PLXNA4: variants seen among roughly 807,000 people sequenced by gnomAD.
PLXNA4 encodes the protein plexin-A4.
A neutral mutation model predicts 191.8 loss-of-function variants in PLXNA4; 44 were observed. The observed-to-expected ratio is 0.23, with a 90% CI of 0.18 to 0.29. PLXNA4 has a LOEUF of 0.29. Among genes scored for constraint, PLXNA4 ranks in the 10% least tolerant of loss-of-function variants. The pLI is 1.00. For synonymous variants in PLXNA4, 1,082 were observed against 1,009.5 expected, an observed-to-expected ratio of 1.07 and a Z score of -1.36; for missense variants, 1,800 against 2,488.8, an observed-to-expected ratio of 0.72 and a Z score of 5.89.
intron 5 of PLXNA4, among the ~76,000 whole-genome samples, chr7:132,237,491 G>A (rs925718952): frequency 3.3e-5 from 5 of 152,182 alleles, no homozygotes; most frequent in African/African-American, 1.2e-4. Context: ...TGAGAGGGAG[G>A]GAGGATGGAT....
chr7:132,607,207 TG>T (rs1802943369), intron 2 of PLXNA4, among the ~76,000 whole-genome samples: 1 of 152,080 alleles, frequency 6.6e-6, no homozygotes, highest in Non-Finnish European at 1.5e-5. Context: ...TCCCAGAGGC[TG>T]ACCTACACAT....
intron 3 of PLXNA4, among the ~76,000 whole-genome samples, chr7:132,439,773 C>T (rs1795618573): frequency 1.3e-5 from 2 of 152,142 alleles, no homozygotes; most frequent in Non-Finnish European, 2.9e-5. Flanking sequence ...TTTCCCTTTC[C>T]CTAAAGGCCC....
intron 2 of PLXNA4, among the ~76,000 whole-genome samples, chr7:132,640,021 G>A (rs566058022): frequency 5.9e-5 from 9 of 152,316 alleles, no homozygotes; most frequent in Non-Finnish European, 1.2e-4. Context: ...CTAGCGTTGC[G>A]CTATCATTCA....
At chr7:132,627,025 T>C (rs1803391099) in intron 2 of PLXNA4, among the ~76,000 whole-genome samples, 1 of 152,254 alleles carries the variant, frequency 6.6e-6, no homozygotes, top group African/African-American at 2.4e-5. Flanking sequence ...CTACCTGCTC[T>C]ACCTTGGCTC....
intron 1 of PLXNA4, among the ~76,000 whole-genome samples, chr7:132,570,449 G>C (rs1801927415): frequency 6.6e-6 from 1 of 152,178 alleles, no homozygotes; most frequent in African/African-American, 2.4e-5. Flanking sequence ...CTGGGTCAAA[G>C]CCAAGGAATG....
intron 1 of PLXNA4, among the ~76,000 whole-genome samples, chr7:132,559,407 A>G (rs1585334418): frequency 1.3e-5 from 2 of 152,130 alleles, no homozygotes; most frequent in East Asian, 3.9e-4. Flanking sequence ...GGGTAGATCC[A>G]TCGTTTCACT....
intron 1 of PLXNA4, among the ~76,000 whole-genome samples, chr7:132,553,741 A>C (rs1800667641): frequency 6.6e-6 from 1 of 152,156 alleles, no homozygotes; most frequent in East Asian, 1.9e-4. Context: ...GGATAAACAG[A>C]AGAGAGTGGA....
At chr7:132,227,842 C>T (rs980500159) in intron 6 of PLXNA4, among the ~76,000 whole-genome samples, 3 of 151,992 alleles carry the variant, frequency 2.0e-5, no homozygotes, top group African/African-American at 7.3e-5. Context: ...TGGATTTGGC[C>T]CCAGGAAACA....
intron 3 of PLXNA4, among the ~76,000 whole-genome samples, chr7:132,454,254 G>A (rs1796232833): frequency 6.6e-6 from 1 of 152,188 alleles, no homozygotes; most frequent in African/African-American, 2.4e-5. Context: ...TCAGAGGGGT[G>A]AAGCCATTTC....
intron 3 of PLXNA4, among the ~76,000 whole-genome samples, chr7:132,347,475 A>T (rs1391404411): frequency 6.6e-6 from 1 of 152,230 alleles, no homozygotes; most frequent in Non-Finnish European, 1.5e-5. Flanking sequence ...GGTAAAAGGG[A>T]ACAAAAGGAT....
Position 132,127,938 on chromosome 7 carries a change from T to TAAGTC in PLXNA4, c.*2536_*2540dup, listed in dbSNP as rs1563044511. ...AATAAAAGCTTCAGCAGAACCGTGA[T>TAAGTC]AAGTCTTTTTTCTTTTTTTTTTCTG... On this transcript the variant is annotated 3_prime_UTR_variant, in exon 32 of 32. Transcript: ENST00000321063. The TAAGTC allele has an allele frequency of 3.4e-5, 5 of 144,950 alleles. No homozygotes were observed. Among genetic ancestry groups the TAAGTC allele is most frequent in the African/African-American group, 7.6e-5 (3 of 39,450 alleles). 9.0% of individuals were successfully genotyped at this position (144,950 alleles called of 1,614,324 possible). A position where few individuals can be genotyped will look rare whatever the true frequency, so the allele number is the denominator to read the frequency against.
chr7:132,549,046 A>G (rs1008506151), intron 1 of PLXNA4, among the ~76,000 whole-genome samples: 8 of 152,102 alleles, frequency 5.3e-5, no homozygotes, highest in Non-Finnish European at 7.4e-5. Flanking sequence ...GTTCTGGGAA[A>G]TCTCTGCCCC....
At chr7:132,190,886 G>A (rs1032968373) in intron 14 of PLXNA4, among the ~76,000 whole-genome samples, 21 of 152,326 alleles carry the variant, frequency 1.4e-4, no homozygotes, top group African/African-American at 4.8e-4. Flanking sequence ...AGGAGCCACT[G>A]AGCGGTGTGA....
intron 2 of PLXNA4, among the ~76,000 whole-genome samples, chr7:132,587,038 G>A (rs1444402696): frequency 1.3e-5 from 2 of 152,198 alleles, no homozygotes; most frequent in African/African-American, 4.8e-5. Context: ...AGAGAATGGA[G>A]TCCCAAAGGA....
At chr7:132,524,578 T>G (rs1457439178) in intron 1 of PLXNA4, among the ~76,000 whole-genome samples, 1 of 152,062 alleles carries the variant, frequency 6.6e-6, no homozygotes, top group Non-Finnish European at 1.5e-5. Flanking sequence ...GAGCAAGACT[T>G]TTTTTTGTTG....
intron 10 of PLXNA4, among the ~76,000 whole-genome samples, chr7:132,209,619 G>A (rs1797731621): frequency 6.6e-6 from 1 of 152,152 alleles, no homozygotes; most frequent in African/African-American, 2.4e-5. Flanking sequence ...GCAGTGACCA[G>A]TTCTATCCCT....
At chr7:132,153,976 G>T (rs1795719464) in intron 25 of PLXNA4, among the ~76,000 whole-genome samples, 1 of 152,192 alleles carries the variant, frequency 6.6e-6, no homozygotes, top group African/African-American at 2.4e-5. Context: ...AGAAAGGAAA[G>T]GGTGGAAGGA....
At chr7:132,612,174 T>C (rs1803060835) in intron 2 of PLXNA4, among the ~76,000 whole-genome samples, 1 of 152,150 alleles carries the variant, frequency 6.6e-6, no homozygotes, top group Non-Finnish European at 1.5e-5. Flanking sequence ...CGCTTACATC[T>C]CAGTGGCCAG....
chr7:132,203,816 A>T (rs1460827640), intron 10 of PLXNA4, among the ~76,000 whole-genome samples: 1 of 152,086 alleles, frequency 6.6e-6, no homozygotes, highest in African/African-American at 2.4e-5. Flanking sequence ...GCCCAGGGAA[A>T]CCCTGGTCCC....
Sources: gnomAD v4.1 joint callset for allele counts (sites outside exome capture counted in the v4.1 genomes callset) on GRCh38, gnomAD v4.1.1 for gene constraint, MANE v1.5 for transcripts, NCBI Gene and HGNC (gene_info 2026-07-23, HGNC 2026-07-21) for gene names.